The following TULP4 variants were observed in gnomAD, a reference collection of about 807,000 sequenced individuals.
TULP4 encodes the protein TUB like protein 4, also known as tubby-related protein 4.
TULP4 carries 16 observed loss-of-function variants against 129.0 expected under a neutral mutation model. That is an observed-to-expected ratio of 0.12 (90% confidence interval 0.08 to 0.19). The LOEUF (loss-of-function observed/expected upper bound fraction) is 0.19. Among genes scored for constraint, TULP4 ranks in the 10% least tolerant of loss-of-function variants. The pLI, the probability that TULP4 is intolerant of heterozygous loss-of-function variation, is 1.00. For synonymous variants in TULP4, 998 were observed against 854.0 expected, an observed-to-expected ratio of 1.17 and a Z score of -2.94; for missense variants, 1,842 against 2,059.1, an observed-to-expected ratio of 0.89 and a Z score of 2.04.
chr6:158,463,206 A>G (rs1310875386), intron 6 of TULP4, among the ~76,000 whole-genome samples: 1 of 152,190 alleles, frequency 6.6e-6, no homozygotes, highest in African/African-American at 2.4e-5. Context: ...CTCTGATTTT[A>G]TATTTGTTAT....
At chr6:158,297,462 G>A (rs1357013825) in intron 1 of TULP4, among the ~76,000 whole-genome samples, 1 of 152,058 alleles carries the variant, frequency 6.6e-6, no homozygotes, top group African/African-American at 2.4e-5. Context: ...CTCAGCTTAC[G>A]AAGATAACGG....
At chr6:158,261,034 G>A (rs1183814301) in intron 1 of TULP4, among the ~76,000 whole-genome samples, 1 of 151,938 alleles carries the variant, frequency 6.6e-6, no homozygotes, top group Non-Finnish European at 1.5e-5. Flanking sequence ...GGCCAGGCTG[G>A]TGTTGAACTT....
intron 1 of TULP4, among the ~76,000 whole-genome samples, chr6:158,365,950 T>A (rs1780945203): frequency 1.6e-5 from 2 of 123,778 alleles, no homozygotes; most frequent in African/African-American, 6.2e-5. Context: ...TCGCCCAGTC[T>A]GGAGTGCAGT....
At chr6:158,499,695 T>C (rs574976400) in intron 12 of TULP4, among the ~76,000 whole-genome samples, 1 of 152,316 alleles carries the variant, frequency 6.6e-6, no homozygotes, top group East Asian at 1.9e-4. Flanking sequence ...GGACCGTGAC[T>C]TCTCCAGTAT....
At chr6:158,491,449 T>TGAGGAGTCTCG (rs1562589209) in intron 9 of TULP4, among the ~76,000 whole-genome samples, 4 of 32,584 alleles carry the variant, frequency 1.2e-4, no homozygotes, top group Admixed American at 3.0e-4. Context: ...TTCTTTTCTT[T>TGAGGAGTCTCG]CTTTCTTTTC....
intron 1 of TULP4, among the ~76,000 whole-genome samples, chr6:158,370,081 G>A (rs765226948): frequency 9.2e-5 from 14 of 152,008 alleles, no homozygotes; most frequent in Non-Finnish European, 1.9e-4. Context: ...GCATCGTGGC[G>A]CATGCCAGTG....
At chr6:158,442,834 G>C (rs943793470) in intron 3 of TULP4, among the ~76,000 whole-genome samples, 1 of 149,904 alleles carries the variant, frequency 6.7e-6, no homozygotes, top group Admixed American at 6.7e-5. Context: ...TTTTTTAATG[G>C]AGTTTTGCTC....
intron 1 of TULP4, among the ~76,000 whole-genome samples, chr6:158,266,494 A>G (rs1329134363): frequency 1.3e-5 from 2 of 152,130 alleles, no homozygotes; most frequent in African/African-American, 4.8e-5. Context: ...GGGCTCTAGC[A>G]ATCTGCCCAT....
intron 1 of TULP4, among the ~76,000 whole-genome samples, chr6:158,406,742 G>A (rs988000563): frequency 6.6e-6 from 1 of 152,182 alleles, no homozygotes; most frequent in African/African-American, 2.4e-5. Flanking sequence ...ATCAGATTTG[G>A]TGTGGAGTTC....
chr6:158,353,151 C>T (rs1780567777), intron 1 of TULP4, among the ~76,000 whole-genome samples: 1 of 152,202 alleles, frequency 6.6e-6, no homozygotes, highest in Non-Finnish European at 1.5e-5. Flanking sequence ...TCCCAGGCCT[C>T]CTGGCTTCAG....
intron 1 of TULP4, among the ~76,000 whole-genome samples, chr6:158,344,311 G>A (rs1780252168): frequency 6.6e-6 from 1 of 152,192 alleles, no homozygotes; most frequent in Non-Finnish European, 1.5e-5. Flanking sequence ...CTCACACAAA[G>A]CCTGTGTGGT....
At chr6:158,286,272 A>G (rs1354551789) in intron 1 of TULP4, among the ~76,000 whole-genome samples, 1 of 152,246 alleles carries the variant, frequency 6.6e-6, no homozygotes, top group Non-Finnish European at 1.5e-5. Flanking sequence ...ATTCAGATTT[A>G]TCAAAATCAA....
In TULP4 at chr6:158,462,428, C is replaced by T. The variant is rs527539579; in HGVS notation, c.1026+699C>T. On this transcript the variant is annotated intron_variant, in intron 6 of 13. Transcript: ENST00000367097. ...ACGCTTTCTCACCCAGGCTGGAGTGCCGTAGCGCATTCTTGGCTCACTGCA... is the reference window on the plus strand; with the variant it reads ...ACGCTTTCTCACCCAGGCTGGAGTGTCGTAGCGCATTCTTGGCTCACTGCA... Among the ~76,000 whole-genome samples, 70 of 150,062 alleles carry T rather than the reference C, an allele frequency of 4.7e-4. 1 individual carries two copies. Among genetic ancestry groups the T allele is most frequent in the African/African-American group, 1.7e-3 (69 of 40,888 alleles).
chr6:158,325,585 C>T (rs1052944192), intron 1 of TULP4, among the ~76,000 whole-genome samples: 2 of 152,096 alleles, frequency 1.3e-5, no homozygotes, highest in Non-Finnish European at 2.9e-5. Flanking sequence ...ATCTCCTGAC[C>T]TCGTGATCCG....
At chr6:158,485,671 G>A (rs1188962217) in intron 8 of TULP4, among the ~76,000 whole-genome samples, 1 of 152,264 alleles carries the variant, frequency 6.6e-6, no homozygotes, top group Admixed American at 6.5e-5. Flanking sequence ...GAGCCATGGG[G>A]GCAGGATCCC....
chr6:158,426,073 G>A (rs1778484140), intron 2 of TULP4, among the ~76,000 whole-genome samples: 1 of 152,108 alleles, frequency 6.6e-6, no homozygotes, highest in African/African-American at 2.4e-5. Context: ...TTTTAATGGG[G>A]TTGTTTTCTT....
chr6:158,241,945 ACTCT>A, intron 1 of TULP4: 1 of 860,544 alleles, frequency 1.2e-6, no homozygotes, highest in South Asian at 1.3e-5. Context: ...CTTAAACTCT[ACTCT>A]TTCCGCATTG....
At chr6:158,258,176 G>T (rs1778281694) in intron 1 of TULP4, among the ~76,000 whole-genome samples, 1 of 152,222 alleles carries the variant, frequency 6.6e-6, no homozygotes, top group African/African-American at 2.4e-5. Context: ...TCGTTGGAAG[G>T]ATTCTGGGCT....
At chr6:158,389,182 G>C (rs1407138355) in intron 1 of TULP4, among the ~76,000 whole-genome samples, 1 of 152,226 alleles carries the variant, frequency 6.6e-6, no homozygotes, top group Non-Finnish European at 1.5e-5. Flanking sequence ...AGGTATGGTG[G>C]CTCATGCCTG....
Sources: gnomAD v4.1 joint callset for allele counts (sites outside exome capture counted in the v4.1 genomes callset) on GRCh38, gnomAD v4.1.1 for gene constraint, MANE v1.5 for transcripts, NCBI Gene and HGNC (gene_info 2026-07-23, HGNC 2026-07-21) for gene names.